Variants in NR1H4 observed in about 807,000 individuals in gnomAD.
The protein encoded by NR1H4 is nuclear receptor subfamily 1 group H member 4.
NR1H4 carries 23 observed loss-of-function variants against 58.5 expected under a neutral mutation model. The ratio of observed to expected loss-of-function variants is 0.39; its 90% CI spans 0.28 to 0.56. The LOEUF is 0.56. NR1H4 is among the 20% of genes least tolerant of loss of function. The pLI, the probability that NR1H4 is intolerant of heterozygous loss-of-function variation, is 0.58. For synonymous variants in NR1H4, 214 were observed against 198.0 expected (o/e 1.08, Z -0.68); for missense variants, 487 against 576.9 (o/e 0.84, Z 1.60).
intron 6 of NR1H4, among the ~76,000 whole-genome samples, 175 bp downstream of exon 6, chr12:100,535,198 C>A (rs1483821573): frequency 6.6e-6 from 1 of 152,288 alleles, no homozygotes; most frequent in South Asian, 2.1e-4. Context: ...CAAATAGTAG[C>A]AATGCATAAA....
intron 10 of NR1H4, 137 bp from the exon 11 acceptor site, chr12:100,563,114 A>G: frequency 2.8e-6 from 2 of 702,134 alleles, no homozygotes; most frequent in South Asian, 1.7e-5. Context: ...AAAATTCATC[A>G]GGTTGAACAC....
intron 1 of NR1H4, among the ~76,000 whole-genome samples, chr12:100,478,956 A>G (rs1953325739): frequency 6.6e-6 from 1 of 152,224 alleles, no homozygotes; most frequent in South Asian, 2.1e-4. Context: ...ATTTAGTTAT[A>G]GTAATATCCA....
chr12:100,490,146 G>A (rs1268073624), intron 1 of NR1H4, among the ~76,000 whole-genome samples: 1 of 152,206 alleles, frequency 6.6e-6, no homozygotes, highest in Non-Finnish European at 1.5e-5. Flanking sequence ...AATAAATGCA[G>A]ATAATTTAAT....
chr12:100,540,955 A>G lies in NR1H4; in HGVS notation c.1078+137A>G. The G allele has an allele frequency of 1.2e-5, 10 of 846,180 alleles. No homozygotes were observed. In the South Asian group the frequency reaches 1.4e-4, roughly 12 times the overall value. The allele number at this position is 846,180 out of a possible 1,614,324, so 52.4% of individuals were successfully genotyped here. On this transcript the variant is annotated intron_variant, in intron 9 of 10. Transcript: ENST00000392986. ...TAGCATGAAGAATGGCTCTAAAAAG[A>G]TATGTGTTAAATTGATAAGACTTCT...
intron 4 of NR1H4, among the ~76,000 whole-genome samples, chr12:100,513,266 C>T (rs540657041): frequency 3.3e-5 from 5 of 152,180 alleles, no homozygotes; most frequent in Non-Finnish European, 7.3e-5. Context: ...AAACCATGTT[C>T]ATCACTGGTA....
At position 100,511,008 on chromosome 12, in the gene NR1H4, G is replaced by A; in HGVS notation, c.310G>A (p.Ala104Thr). 1 of 1,614,264 alleles carries A rather than the reference G, an allele frequency of 6.2e-7. No individual in the cohort carries two copies. The highest frequency in any genetic ancestry group is 8.5e-7 in the Non-Finnish European group (1 of 1,180,060). Reference protein sequence around the residue: ...ETLYQGETEVAEMPVTKKPRM... With the variant: ...ETLYQGETEVTEMPVTKKPRM... ...TCTCTACCAGGGAGAAACTGAGGTA[G>A]CAGAGATGCCTGTAACAAAGAAGCC... Residue 104 changes from alanine to threonine, a missense_variant, in exon 4 of 11, where the codon GCA becomes ACA. Transcript: ENST00000392986.
intron 8 of NR1H4, 69 bp downstream of exon 8, chr12:100,537,116 T>C: frequency 2.1e-6 from 2 of 930,482 alleles, no homozygotes; most frequent in Non-Finnish European, 3.4e-6. Flanking sequence ...TTAGATTACC[T>C]ATTTTACATA....
In NR1H4 at chr12:100,511,438, T is replaced by G. The variant is rs12317930; in HGVS notation, c.445+295T>G. ...GGGAACTTATGATTAAATTGAATTT[T>G]TTGTAGGTTTTGTTTGTTTTTGTTG... On this transcript the variant is annotated intron_variant, in intron 4 of 10. Coordinates refer to ENST00000392986, the MANE Select transcript of NR1H4 (RefSeq NM_001206979.2). 0.15 allele frequency among the ~76,000 whole-genome samples: 23,155 copies of G among 152,160 alleles called. 4,155 individuals are homozygous for G. Among genetic ancestry groups the G allele is most frequent in the African/African-American group, 0.43 (17,951 of 41,444 alleles).
At chr12:100,549,451 T>A (rs1053698768) in intron 9 of NR1H4, among the ~76,000 whole-genome samples, 1 of 152,174 alleles carries the variant, frequency 6.6e-6, no homozygotes, top group Non-Finnish European at 1.5e-5. Flanking sequence ...ACATAACTTC[T>A]ACTGGCATTC....
At chr12:100,516,417 T>G (rs1257005723) in intron 4 of NR1H4, among the ~76,000 whole-genome samples, 1 of 152,058 alleles carries the variant, frequency 6.6e-6, no homozygotes, top group Non-Finnish European at 1.5e-5. Context: ...TCACCCAGGC[T>G]GGAGTGCAGT....
intron 4 of NR1H4, among the ~76,000 whole-genome samples, chr12:100,526,436 A>T (rs748043467): frequency 3.3e-5 from 5 of 152,030 alleles, no homozygotes; most frequent in Non-Finnish European, 7.4e-5. Context: ...ATTATGTGTA[A>T]CCTTTTAGAA....
At chr12:100,517,491 A>G (rs543235655) in intron 4 of NR1H4, among the ~76,000 whole-genome samples, 1 of 152,348 alleles carries the variant, frequency 6.6e-6, no homozygotes, top group African/African-American at 2.4e-5. Flanking sequence ...TGCAATAAAC[A>G]TAGGAGTGCA....
At chr12:100,541,454 G>T (rs1021056080) in intron 9 of NR1H4, among the ~76,000 whole-genome samples, 1 of 151,764 alleles carries the variant, frequency 6.6e-6, no homozygotes, top group Non-Finnish European at 1.5e-5. Flanking sequence ...GCTAATTTTG[G>T]TATTTTTAGT....
At chr12:100,489,503 A>G (rs1247251939) in intron 1 of NR1H4, among the ~76,000 whole-genome samples, 1 of 152,220 alleles carries the variant, frequency 6.6e-6, no homozygotes, top group Non-Finnish European at 1.5e-5. Context: ...TGAATTTCAT[A>G]TAATTTCCAT....
intron 4 of NR1H4, among the ~76,000 whole-genome samples, chr12:100,530,063 T>G (rs1232159580): frequency 6.6e-6 from 1 of 152,242 alleles, no homozygotes; most frequent in Non-Finnish European, 1.5e-5. Flanking sequence ...CTTCTGTTTA[T>G]TCCAACTAAG....
intron 1 of NR1H4, among the ~76,000 whole-genome samples, chr12:100,489,022 GTTC>G (rs1314511338): frequency 1.3e-5 from 2 of 152,152 alleles, no homozygotes; most frequent in Non-Finnish European, 2.9e-5. Flanking sequence ...TCTCCTGGGA[GTTC>G]TTCTTTTGCA....
Position 100,525,847 on chromosome 12 carries a change from G to A in NR1H4, c.446-6611G>A, listed in dbSNP as rs370654655. ...CTATTTTGATGACCAATTTCTCCTT[G>A]TTGAGTTTTGGTAGGGTATGTCTTT... On this transcript the variant is annotated intron_variant, in intron 4 of 10. Coordinates refer to ENST00000392986, the MANE Select transcript of NR1H4 (RefSeq NM_001206979.2). 4.5e-4 allele frequency among the ~76,000 whole-genome samples: 69 copies of A among 152,212 alleles called. No individual in the cohort carries two copies. In the South Asian group the frequency reaches 0.011, roughly 23 times the overall value.
At chr12:100,522,385 A>C (rs1954447535) in intron 4 of NR1H4, among the ~76,000 whole-genome samples, 1 of 152,178 alleles carries the variant, frequency 6.6e-6, no homozygotes. Context: ...GGATTAAATA[A>C]ATTGATACCT....
intron 1 of NR1H4, among the ~76,000 whole-genome samples, chr12:100,476,358 T>C (rs905953053): frequency 6.6e-6 from 1 of 152,162 alleles, no homozygotes; most frequent in Non-Finnish European, 1.5e-5. Flanking sequence ...GATTGCACCA[T>C]CAGTAGGGAA....
Sources: allele counts gnomAD v4.1 joint callset (sites outside exome capture counted in the v4.1 genomes callset), GRCh38; gene constraint gnomAD v4.1.1; transcripts MANE v1.5; gene names NCBI Gene and HGNC (gene_info 2026-07-23, HGNC 2026-07-21).